The following FBXO42 variants were observed in gnomAD, a reference collection of about 807,000 sequenced individuals.
FBXO42 encodes the protein F-box only protein 42.
A neutral mutation model predicts 71.7 loss-of-function variants in FBXO42; 12 were observed. The ratio of observed to expected loss-of-function variants is 0.17; its 90% CI spans 0.11 to 0.27. The LOEUF (loss-of-function observed/expected upper bound fraction) is 0.27, where lower values mean the gene tolerates loss of function less well. Among genes scored for constraint, FBXO42 ranks in the 10% least tolerant of loss-of-function variants. FBXO42 has a pLI of 1.00. For synonymous variants in FBXO42, 325 were observed against 327.5 expected (o/e 0.99, Z 0.08); for missense variants, 707 against 911.9 (o/e 0.78, Z 2.89).
At chr1:16,305,393 A>C (rs2082239419) in intron 3 of FBXO42, among the ~76,000 whole-genome samples, 1 of 152,136 alleles carries the variant, frequency 6.6e-6, no homozygotes, top group Admixed American at 6.6e-5. Flanking sequence ...ATTTCAAAAT[A>C]AATAAATAAA....
At chr1:16,291,856 G>C (rs1260807052) in intron 4 of FBXO42, among the ~76,000 whole-genome samples, 1 of 152,084 alleles carries the variant, frequency 6.6e-6, no homozygotes, top group African/African-American at 2.4e-5. Context: ...TTGTTTTGTA[G>C]AGACAGGGTC....
intron 1 of FBXO42, among the ~76,000 whole-genome samples, chr1:16,331,703 G>A (rs1198508540): frequency 6.6e-6 from 1 of 151,298 alleles, no homozygotes; most frequent in Non-Finnish European, 1.5e-5. Context: ...TCAGTGAGCC[G>A]AGATCGCACT....
intron 4 of FBXO42, among the ~76,000 whole-genome samples, chr1:16,258,446 T>TC (rs1207887342): frequency 6.6e-6 from 1 of 151,296 alleles, no homozygotes; most frequent in Non-Finnish European, 1.5e-5. Flanking sequence ...AGCCTCAACC[T>TC]CCTGGGCTCA....
intron 4 of FBXO42, among the ~76,000 whole-genome samples, chr1:16,276,331 G>T (rs2081902510): frequency 7.0e-6 from 1 of 142,844 alleles, no homozygotes; most frequent in Admixed American, 7.3e-5. Context: ...AGTAAGCCGA[G>T]ATCACACCAC....
intron 1 of FBXO42, among the ~76,000 whole-genome samples, chr1:16,344,323 A>ATT (rs143852944): frequency 4.3e-5 from 6 of 138,024 alleles, no homozygotes; most frequent in African/African-American, 1.1e-4. Flanking sequence ...AATATATATA[A>ATT]TTTTTTTTTT....
chr1:16,252,259 T>A lies in FBXO42; in HGVS notation c.1038+29A>T. On this transcript the variant is annotated intron_variant, in intron 9 of 9. Coordinates refer to ENST00000375592, the MANE Select transcript of FBXO42 (RefSeq NM_018994.3). This position sits in a 1 kb window ranked among gnomAD's most constrained non-coding sequence, Gnocchi z 4.4. ...GTTTTCCACAATTTAGGACCTGTCC[T>A]CCTGCTAGCCTGTCAGCTCCCTGCT... is the stretch of plus-strand genomic sequence containing the variant. 6.5e-7 allele frequency: 1 copy of A among 1,539,566 alleles called. No individual in the cohort carries two copies. The highest frequency in any genetic ancestry group is 9.0e-7 in the Non-Finnish European group (1 of 1,112,204).
rs375026127 is a variant in FBXO42, at chr1:16,294,738, G to T, written c.502+45C>A. The T allele has an allele frequency of 2.5e-6, 4 of 1,599,768 alleles. No homozygotes were observed. The African/African-American group carries it at 5.4e-5, about 21-fold the overall frequency. ...GATCAGGTAGAGTTTCCATGCCAAG[G>T]GAGTCACCTGGTAAGGAGGCAAAGA... On this transcript the variant is annotated intron_variant, in intron 4 of 9. Coordinates refer to ENST00000375592, the MANE Select transcript of FBXO42 (RefSeq NM_018994.3).
chr1:16,302,250 T>G (rs1419456099), intron 3 of FBXO42, among the ~76,000 whole-genome samples: 1 of 152,126 alleles, frequency 6.6e-6, no homozygotes, highest in Non-Finnish European at 1.5e-5. Flanking sequence ...TTCAGTCCAT[T>G]AAGAAGGGCA....
At chr1:16,296,640 A>G (rs963756967) in intron 3 of FBXO42, among the ~76,000 whole-genome samples, 2 of 122,422 alleles carry the variant, frequency 1.6e-5, no homozygotes, top group South Asian at 2.9e-4. Context: ...ACAGAGCAAG[A>G]CTCCATCTCA....
chr1:16,334,989 A>T (rs765556674), intron 1 of FBXO42, among the ~76,000 whole-genome samples: 2 of 142,932 alleles, frequency 1.4e-5, no homozygotes, highest in African/African-American at 2.6e-5. Flanking sequence ...CACTGTGGGA[A>T]GCCAAGGTGG....
intron 1 of FBXO42, among the ~76,000 whole-genome samples, chr1:16,331,823 C>T (rs1214973159): frequency 6.6e-6 from 1 of 150,748 alleles, no homozygotes; most frequent in Non-Finnish European, 1.5e-5. Flanking sequence ...GGCTGAGGCG[C>T]GCAGATCACC....
intron 1 of FBXO42, among the ~76,000 whole-genome samples, chr1:16,348,570 G>A (rs1487606321): frequency 7.2e-5 from 11 of 152,030 alleles, no homozygotes; most frequent in Admixed American, 5.3e-4. Flanking sequence ...GGCGTGGGGC[G>A]GGTGCCTGTA....
At chr1:16,271,235 A>C (rs746380699) in intron 4 of FBXO42, among the ~76,000 whole-genome samples, 1 of 144,870 alleles carries the variant, frequency 6.9e-6, no homozygotes, top group Non-Finnish European at 1.5e-5. Flanking sequence ...TTGATCCCTA[A>C]CTACTGTGTG....
At chr1:16,348,484 G>C (rs1321690854) in intron 1 of FBXO42, among the ~76,000 whole-genome samples, 5 of 152,074 alleles carry the variant, frequency 3.3e-5, no homozygotes, top group Admixed American at 6.6e-5. Context: ...GGATCACATG[G>C]TCAGGAGTTC....
intron 4 of FBXO42, among the ~76,000 whole-genome samples, chr1:16,276,263 C>G (rs772384260): frequency 3.2e-4 from 49 of 151,720 alleles, no homozygotes; most frequent in Non-Finnish European, 4.7e-4. Flanking sequence ...ACCTGTAGTC[C>G]CAGCTATTCG....
chr1:16,270,751 T>TAC (rs58610558), intron 4 of FBXO42, among the ~76,000 whole-genome samples: 27,167 of 110,716 alleles, frequency 0.25, 3,154 homozygotes, highest in East Asian at 0.42. Flanking sequence ...TACCATGAGA[T>TAC]ACACACACAC....
chr1:16,257,022 A>G (rs140100944), intron 4 of FBXO42, among the ~76,000 whole-genome samples: 1 of 152,312 alleles, frequency 6.6e-6, no homozygotes, highest in African/African-American at 2.4e-5. Context: ...GCTCACCTAA[A>G]ATTAGGGATG....
chr1:16,316,169 C>CAAAAAAAAAA (rs58485035), intron 1 of FBXO42, among the ~76,000 whole-genome samples: 3 of 109,066 alleles, frequency 2.8e-5, no homozygotes, highest in Non-Finnish European at 5.4e-5. Context: ...ACCTCCATCT[C>CAAAAAAAAAA]AAAAAAAAAA....
intron 4 of FBXO42, among the ~76,000 whole-genome samples, chr1:16,278,622 T>C (rs1046345718): frequency 1.3e-5 from 2 of 152,156 alleles, no homozygotes; most frequent in Non-Finnish European, 2.9e-5. Context: ...TCAGGGAAGA[T>C]AACCTAAGAT....
Sources: allele counts gnomAD v4.1 joint callset (sites outside exome capture counted in the v4.1 genomes callset), GRCh38; gene constraint gnomAD v4.1.1; non-coding constraint Gnocchi (gnomAD v3.1); transcripts MANE v1.5; gene names NCBI Gene and HGNC (gene_info 2026-07-23, HGNC 2026-07-21).